MELK: variants seen among roughly 807,000 people sequenced by gnomAD.
MELK encodes maternal embryonic leucine zipper kinase, also known as pEg3 kinase.
In MELK, 81 loss-of-function variants were observed where a neutral mutation model predicts 85.0. That is an observed-to-expected ratio of 0.95 (90% CI 0.80 to 1.15). The LOEUF (loss-of-function observed/expected upper bound fraction) is 1.15, where lower values mean the gene tolerates loss of function less well. MELK is among the 50% of genes most tolerant of loss of function. MELK has a pLI of 0.00. For missense variants in MELK, 754 were observed against 777.5 expected (o/e 0.97, Z 0.36); for synonymous variants, 252 against 265.0 (o/e 0.95, Z 0.48).
intron 8 of MELK, among the ~76,000 whole-genome samples, chr9:36,615,642 G>T (rs1168056855): frequency 7.3e-6 from 1 of 136,496 alleles, no homozygotes; most frequent in East Asian, 2.1e-4. Flanking sequence ...CTCAGACGGG[G>T]CGGCCGGGCA....
intron 13 of MELK, among the ~76,000 whole-genome samples, chr9:36,657,653 C>T (rs956154436): frequency 1.3e-5 from 2 of 152,184 alleles, no homozygotes; most frequent in African/African-American, 2.4e-5. Context: ...TGCAGTGGCA[C>T]GATCTCGGCT....
chr9:36,638,445 C>A (rs1181339411), intron 10 of MELK, among the ~76,000 whole-genome samples: 1 of 152,092 alleles, frequency 6.6e-6, no homozygotes, highest in East Asian at 1.9e-4. Flanking sequence ...GCCACCACGC[C>A]CAGCTAATTT....
chr9:36,574,359 C>T (rs1175159584), intron 1 of MELK, among the ~76,000 whole-genome samples: 1 of 145,368 alleles, frequency 6.9e-6, no homozygotes, highest in Non-Finnish European at 1.5e-5. Context: ...CCGAGGTGGG[C>T]GGATCACTTG....
chr9:36,595,434 C>T (rs1428919346), intron 5 of MELK, among the ~76,000 whole-genome samples: 2 of 152,036 alleles, frequency 1.3e-5, no homozygotes, highest in Non-Finnish European at 2.9e-5. Context: ...CCGCGCCCGG[C>T]CAGGCCAGTC....
rs374382373 is a variant in MELK, at chr9:36,613,401, G to A, written c.666+5728G>A. Among the ~76,000 whole-genome samples, 61 of 152,306 alleles carry A rather than the reference G, an allele frequency of 4.0e-4. No individual in the cohort carries two copies. The South Asian group carries it at 7.9e-3, about 20-fold the overall frequency. On this transcript the variant is annotated intron_variant, in intron 8 of 17. Coordinates refer to ENST00000298048, the MANE Select transcript of MELK (RefSeq NM_014791.4). ...TGCCAGGCACTTTTCTAGATGTGTGGGGTATATCTGTGAATAAAACAGATG... is the reference window on the plus strand; with the variant it reads ...TGCCAGGCACTTTTCTAGATGTGTGAGGTATATCTGTGAATAAAACAGATG...
At chr9:36,639,847 C>T (rs1235154781) in intron 10 of MELK, among the ~76,000 whole-genome samples, 2 of 152,052 alleles carry the variant, frequency 1.3e-5, no homozygotes, top group African/African-American at 4.8e-5. Flanking sequence ...GGTTCTTTTA[C>T]AGTTAAAAAA....
intron 9 of MELK, 106 bp from the exon 10 acceptor site, chr9:36,632,996 A>G: frequency 1.3e-6 from 1 of 781,060 alleles, no homozygotes; most frequent in Non-Finnish European, 2.1e-6. Flanking sequence ...TTTTGTGATG[A>G]TAAAGTTTAC....
intron 9 of MELK, among the ~76,000 whole-genome samples, chr9:36,630,987 G>C (rs1828545484): frequency 7.8e-6 from 1 of 128,342 alleles, no homozygotes; most frequent in Admixed American, 8.0e-5. Context: ...TTATTTAGAT[G>C]GAGTCTCCCT....
intron 14 of MELK, among the ~76,000 whole-genome samples, chr9:36,668,444 A>G (rs1193432147): frequency 1.3e-5 from 2 of 152,234 alleles, no homozygotes; most frequent in Non-Finnish European, 2.9e-5. Context: ...ACTATCTGGA[A>G]TGCAAATACC....
At chr9:36,645,998 CAG>C (rs1270386629) in intron 11 of MELK, among the ~76,000 whole-genome samples, 7 of 152,170 alleles carry the variant, frequency 4.6e-5, no homozygotes, top group Admixed American at 1.3e-4. Context: ...TTTTGGCACT[CAG>C]GGGGCATTTG....
Position 36,621,311 on chromosome 9 carries a change from A to AAAAAAAAAC in MELK, c.667-8982_667-8981insAACAAAAAA, listed in dbSNP as rs1564173035. 5.8e-5 allele frequency among the ~76,000 whole-genome samples: 8 copies of AAAAAAAAAC among 137,264 alleles called. 1 individual carries two copies. Among genetic ancestry groups the AAAAAAAAAC allele is most frequent in the African/African-American group, 1.1e-4 (4 of 34,910 alleles). The allele number at this position is 137,264 out of a possible 152,430, so 90.1% of individuals were successfully genotyped here. A position where few individuals can be genotyped will look rare whatever the true frequency, so the allele number is the denominator to read the frequency against. ...AAAAAAAAAAAAAAAAAAAAAAAAA[A>AAAAAAAAAC]AAAAAACTTGAGTAGAACAGAACCA... On this transcript the variant is annotated intron_variant, in intron 8 of 17. Coordinates refer to ENST00000298048, the MANE Select transcript of MELK (RefSeq NM_014791.4).
chr9:36,666,448 C>A (rs1054708759), intron 14 of MELK, among the ~76,000 whole-genome samples: 3 of 152,034 alleles, frequency 2.0e-5, no homozygotes, highest in Admixed American at 6.6e-5. Flanking sequence ...ATAATAGGGG[C>A]CATATTTATG....
At chr9:36,579,593 A>G (rs1022088426) in intron 1 of MELK, among the ~76,000 whole-genome samples, 3 of 152,278 alleles carry the variant, frequency 2.0e-5, no homozygotes, top group Non-Finnish European at 2.9e-5. Context: ...GGTTTGGCAT[A>G]TCATAGGTGC....
At chr9:36,600,175 C>G (rs1254401565) in intron 7 of MELK, among the ~76,000 whole-genome samples, 1 of 150,158 alleles carries the variant, frequency 6.7e-6, no homozygotes, top group Non-Finnish European at 1.5e-5. Flanking sequence ...CTCACTGCAA[C>G]CTCCACCTCC....
intron 13 of MELK, among the ~76,000 whole-genome samples, chr9:36,657,600 T>C (rs1371983906): frequency 1.3e-5 from 2 of 152,246 alleles, no homozygotes; most frequent in African/African-American, 2.4e-5. Flanking sequence ...TTTATTATTA[T>C]TATTTTTTGA....
intron 8 of MELK, among the ~76,000 whole-genome samples, chr9:36,608,811 G>A (rs1031688680): frequency 1.3e-5 from 2 of 152,002 alleles, no homozygotes; most frequent in Admixed American, 1.3e-4. Flanking sequence ...TCGAACTCCC[G>A]ACCTCAGGTG....
intron 4 of MELK, among the ~76,000 whole-genome samples, chr9:36,590,326 G>C (rs1823412088): frequency 6.6e-6 from 1 of 152,154 alleles, no homozygotes; most frequent in African/African-American, 2.4e-5. Flanking sequence ...CAGTTCTGGA[G>C]GTTTGAAGTC....
At chr9:36,606,488 GGT>G (rs1320153923) in intron 7 of MELK, among the ~76,000 whole-genome samples, 1 of 133,910 alleles carries the variant, frequency 7.5e-6, no homozygotes, top group Non-Finnish European at 1.5e-5. Flanking sequence ...CATATGTATA[GGT>G]GTGTATATAA....
intron 8 of MELK, among the ~76,000 whole-genome samples, chr9:36,616,192 C>G (rs1435936750): frequency 6.6e-6 from 1 of 152,042 alleles, no homozygotes; most frequent in Non-Finnish European, 1.5e-5. Flanking sequence ...GTAAAATTGA[C>G]CCTTTGTATA....
Sources: allele counts gnomAD v4.1 joint callset (sites outside exome capture counted in the v4.1 genomes callset), GRCh38; gene constraint gnomAD v4.1.1; transcripts MANE v1.5; gene names NCBI Gene and HGNC (gene_info 2026-07-23, HGNC 2026-07-21).